The following DCC variants were observed in gnomAD, a reference collection of about 807,000 sequenced individuals.
DCC encodes the protein netrin receptor DCC.
DCC carries 58 observed loss-of-function variants against 172.5 expected under a neutral mutation model. The observed-to-expected ratio is 0.34, with a 90% CI of 0.27 to 0.42. DCC has a LOEUF of 0.42. Ranked by LOEUF, DCC falls within the 10% of genes least tolerant of loss-of-function variation. The pLI is 1.00. For missense variants in DCC, 1,740 were observed against 1,791.0 expected (o/e 0.97, Z 0.51); for synonymous variants, 709 against 644.5 (o/e 1.10, Z -1.52).
intron 11 of DCC, 68 bp downstream of exon 11, chr18:53,207,885 G>T: frequency 7.4e-7 from 1 of 1,349,226 alleles, no homozygotes; most frequent in Non-Finnish European, 1.1e-6. Flanking sequence ...ACATGATATT[G>T]CACATATATC....
At chr18:52,540,311 T>G (rs539896416) in intron 1 of DCC, among the ~76,000 whole-genome samples, 1 of 152,106 alleles carries the variant, frequency 6.6e-6, no homozygotes, top group Non-Finnish European at 1.5e-5. Context: ...CCTGTAGTCA[T>G]AGCTACTTGG....
At chr18:53,184,148 T>A (rs1397896876) in intron 9 of DCC, among the ~76,000 whole-genome samples, 1 of 151,762 alleles carries the variant, frequency 6.6e-6, no homozygotes, top group Non-Finnish European at 1.5e-5. Context: ...CATTTATAGT[T>A]TAGAACTAGC....
intron 16 of DCC, among the ~76,000 whole-genome samples, chr18:53,386,981 C>A (rs1169445980): frequency 1.3e-5 from 2 of 152,164 alleles, no homozygotes; most frequent in Admixed American, 6.5e-5. Flanking sequence ...AACCCAAGTT[C>A]CCTCTCTAAT....
intron 5 of DCC, among the ~76,000 whole-genome samples, chr18:52,927,669 C>G (rs1252837924): frequency 6.6e-6 from 1 of 151,988 alleles, no homozygotes; most frequent in Admixed American, 6.6e-5. Context: ...CTCCACATTA[C>G]TAATCATTAG....
chr18:53,156,840 A>G (rs1375871752), intron 7 of DCC, among the ~76,000 whole-genome samples: 1 of 152,120 alleles, frequency 6.6e-6, no homozygotes. Flanking sequence ...ATTTATCCAT[A>G]TTTTTACTTA....
At chr18:53,018,076 C>A (rs1321568198) in intron 5 of DCC, among the ~76,000 whole-genome samples, 1 of 152,118 alleles carries the variant, frequency 6.6e-6, no homozygotes, top group East Asian at 1.9e-4. Flanking sequence ...TTGAGAAATT[C>A]CTTGATGGGT....
At chr18:52,575,579 C>T (rs1169007478) in intron 1 of DCC, among the ~76,000 whole-genome samples, 2 of 152,160 alleles carry the variant, frequency 1.3e-5, no homozygotes, top group East Asian at 3.9e-4. Context: ...CATTCTTTGA[C>T]TATTTGAGTT....
intron 5 of DCC, among the ~76,000 whole-genome samples, chr18:53,046,825 G>A (rs1437581626): frequency 6.6e-6 from 1 of 151,820 alleles, no homozygotes; most frequent in Non-Finnish European, 1.5e-5. Context: ...CTTCAAAATA[G>A]GAAACCGAAA....
intron 9 of DCC, among the ~76,000 whole-genome samples, chr18:53,190,101 T>C (rs978861856): frequency 1.3e-5 from 2 of 152,034 alleles, no homozygotes; most frequent in African/African-American, 4.8e-5. Context: ...TAATTTTGTA[T>C]ATTTAGCAGA....
intron 1 of DCC, among the ~76,000 whole-genome samples, chr18:52,537,642 G>A (rs1165131329): frequency 1.3e-5 from 2 of 151,550 alleles, no homozygotes; most frequent in African/African-American, 2.4e-5. Flanking sequence ...ACTATTACAA[G>A]CAGAAAAAAA....
intron 2 of DCC, among the ~76,000 whole-genome samples, chr18:52,838,288 A>G (rs2145311682): frequency 6.6e-6 from 1 of 152,240 alleles, no homozygotes; most frequent in South Asian, 2.1e-4. Context: ...AGAATATTTT[A>G]TGTTGACATT....
At chr18:52,869,515 C>T (rs1349386833) in intron 2 of DCC, among the ~76,000 whole-genome samples, 1 of 152,202 alleles carries the variant, frequency 6.6e-6, no homozygotes, top group Non-Finnish European at 1.5e-5. Flanking sequence ...AGCCTGGCCT[C>T]CAGCCTTCAG....
At chr18:53,149,542 G>A (rs12967441) in intron 7 of DCC, among the ~76,000 whole-genome samples, 47,246 of 152,092 alleles carry the variant, frequency 0.31, 9,179 homozygotes, top group East Asian at 0.59. Flanking sequence ...TCGCCAAGCT[G>A]CCTGTGGTAC....
At chr18:52,516,629 A>G (rs2031649838) in intron 1 of DCC, among the ~76,000 whole-genome samples, 1 of 152,258 alleles carries the variant, frequency 6.6e-6, no homozygotes, top group Non-Finnish European at 1.5e-5. Flanking sequence ...ACCACGTTAT[A>G]TAGTATTAAT....
rs114423743 is a variant in DCC, at chr18:52,345,616, G to A, written c.91+4738G>A. Among the ~76,000 whole-genome samples the A allele has an allele frequency of 5.2e-3, 790 of 152,294 alleles. 6 individuals are homozygous for A. The highest frequency in any genetic ancestry group is 0.018 in the African/African-American group (732 of 41,556). ...GGAATCAAAACTCTCATCTCTAAGA[G>A]GTGTGGCATCAATACTGCCTCCCTT... On this transcript the variant is annotated intron_variant, in intron 1 of 28. Coordinates refer to ENST00000442544, the MANE Select transcript of DCC (RefSeq NM_005215.4).
chr18:53,320,960 C>T (rs980154829), intron 13 of DCC, among the ~76,000 whole-genome samples: 1 of 152,084 alleles, frequency 6.6e-6, no homozygotes, highest in African/African-American at 2.4e-5. Flanking sequence ...ATCAAATGGT[C>T]TAATAGTACC....
intron 5 of DCC, among the ~76,000 whole-genome samples, chr18:52,975,412 G>A (rs2041101028): frequency 6.6e-6 from 1 of 152,048 alleles, no homozygotes; most frequent in East Asian, 1.9e-4. Flanking sequence ...TTGTTGCATA[G>A]GTAAACTTGT....
intron 7 of DCC, among the ~76,000 whole-genome samples, chr18:53,121,494 C>T (rs998002581): frequency 4.6e-5 from 7 of 151,856 alleles, no homozygotes; most frequent in South Asian, 2.1e-4. Flanking sequence ...AGATATATTA[C>T]GTAAACTTCC....
chr18:52,668,971 G>C (rs541572175), intron 1 of DCC, among the ~76,000 whole-genome samples: 1 of 152,322 alleles, frequency 6.6e-6, no homozygotes, highest in East Asian at 1.9e-4. Flanking sequence ...TTGTAATAGA[G>C]AAAGAGTAAT....
Sources: gnomAD v4.1 joint callset for allele counts (sites outside exome capture counted in the v4.1 genomes callset) on GRCh38, gnomAD v4.1.1 for gene constraint, MANE v1.5 for transcripts, NCBI Gene and HGNC (gene_info 2026-07-23, HGNC 2026-07-21) for gene names.